CHIA: variants seen among roughly 807,000 people sequenced by gnomAD.
The protein encoded by CHIA is acidic mammalian chitinase.
In CHIA, 47 loss-of-function variants were observed where a neutral mutation model predicts 53.5. The ratio of observed to expected loss-of-function variants is 0.88; its 90% CI spans 0.70 to 1.12. The LOEUF is 1.12. Among genes scored for constraint, CHIA ranks in the 50% most tolerant of loss-of-function variants. The pLI is 0.00. For missense variants in CHIA, 652 were observed against 592.2 expected (o/e 1.10, Z -1.05); for synonymous variants, 268 against 222.2 (o/e 1.21, Z -1.83).
Position 111,318,514 on chromosome 1 carries a change from A to C in CHIA, c.751A>C (p.Lys251Gln). ...LNVDYVMNYW[K>Q]DNGAPAEKLI... ...GCAGGATTATGTCATGAACTACTGG[A>C]AGGACAATGGAGCACCAGCTGAGAA... Residue 251 changes from lysine to glutamine, a missense_variant, in exon 9 of 12, where the codon AAG becomes CAG. Physicochemically the swap from Lys to Gln is moderately conservative, Grantham distance 53. Transcript: ENST00000369740. 2 of 1,614,022 alleles carry C rather than the reference A, an allele frequency of 1.2e-6. No individual in the cohort carries two copies. Among genetic ancestry groups the C allele is most frequent in the Non-Finnish European group, 1.7e-6 (2 of 1,179,912 alleles).
At chr1:111,300,867 C>A (rs943470218) in intron 1 of CHIA, among the ~76,000 whole-genome samples, 1 of 152,146 alleles carries the variant, frequency 6.6e-6, no homozygotes, top group African/African-American at 2.4e-5. Context: ...CTACAAAGAA[C>A]TTAAACAAAT....
intron 1 of CHIA, among the ~76,000 whole-genome samples, chr1:111,298,156 C>A (rs1460910688): frequency 3.9e-5 from 6 of 152,178 alleles, no homozygotes; most frequent in African/African-American, 1.4e-4. Flanking sequence ...GAGACTTTAA[C>A]AACCCACTGC....
chr1:111,318,507 C>T lies in CHIA; in HGVS notation c.744C>T (p.Asn248=). ...TGACATTGCAGGATTATGTCATGAA[C>T]TACTGGAAGGACAATGGAGCACCAG... The part of the protein sequence containing the change: ...NAYLNVDYVM[N]YWKDNGAPAE... Residue 248 remains asparagine (N), a synonymous_variant, in exon 9 of 12, where the codon AAC becomes AAT. Transcript: ENST00000369740. 1.2e-6 allele frequency: 2 copies of T among 1,613,748 alleles called. No individual in the cohort carries two copies. Among genetic ancestry groups the T allele is most frequent in the Non-Finnish European group, 1.7e-6 (2 of 1,179,762 alleles).
intron 6 of CHIA, chr1:111,317,031 G>A (rs982749611): frequency 6.6e-6 from 1 of 152,266 alleles, no homozygotes; most frequent in Non-Finnish European, 1.5e-5. Context: ...TAAATACCTT[G>A]CCTATAATTT....
At chr1:111,295,138 T>C (rs1661262113) in intron 1 of CHIA, among the ~76,000 whole-genome samples, 1 of 152,232 alleles carries the variant, frequency 6.6e-6, no homozygotes, top group Admixed American at 6.5e-5. Context: ...GATTAACCTC[T>C]CAAGTCATCT....
At chr1:111,317,493 T>C in intron 6 of CHIA, 188 bp from the exon 7 acceptor site, 2 of 614,282 alleles carry the variant, frequency 3.3e-6, no homozygotes, top group Non-Finnish European at 2.7e-6. Flanking sequence ...GCATATTAGA[T>C]AGCCAGAAAA....
Position 111,297,901 on chromosome 1 carries a change from CAAAAAAAAAAAA to C in CHIA, c.-69+6964_-69+6975del, listed in dbSNP as rs1188512345. Among the ~76,000 whole-genome samples the C allele has an allele frequency of 7.5e-4, 24 of 31,850 alleles. No individual in the cohort carries two copies. The Admixed American group carries it at 0.01, about 14-fold the overall frequency. The allele number at this position is 31,850 out of a possible 152,430, so 20.9% of individuals were successfully genotyped here. ...GAAGATCTACCAAGCAAATGGAAAG[CAAAAAAAAAAAA>C]AAAAAAAAAAAACAAGCAGGGGTTG... is the stretch of plus-strand genomic sequence containing the variant. On this transcript the variant is annotated intron_variant, in intron 1 of 11. Coordinates refer to ENST00000369740, the MANE Select transcript of CHIA (RefSeq NM_201653.4).
At chr1:111,303,304 C>T (rs1647906170) in intron 1 of CHIA, among the ~76,000 whole-genome samples, 1 of 151,822 alleles carries the variant, frequency 6.6e-6, no homozygotes, top group African/African-American at 2.4e-5. Context: ...TATTTGTTTC[C>T]TATATGCCTT....
chr1:111,318,498 T>C lies in CHIA; in HGVS notation c.735T>C (p.Tyr245=). ...TGSNAYLNVD[Y]VMNYWKDNGA... is the part of the protein sequence containing the mutation. ...CTAACCCACTGACATTGCAGGATTA[T>C]GTCATGAACTACTGGAAGGACAATG... The change falls in exon 9 of 12, where the codon TAT becomes TAC. Residue 245 remains tyrosine, a synonymous_variant. Coordinates refer to ENST00000369740, the MANE Select transcript of CHIA (RefSeq NM_201653.4). 4 of 1,613,246 alleles carry C rather than the reference T, an allele frequency of 2.5e-6. No individual in the cohort carries two copies. Among genetic ancestry groups the C allele is most frequent in the Non-Finnish European group, 3.4e-6 (4 of 1,179,440 alleles).
intron 3 of CHIA, 85 bp from the exon 4 acceptor site, chr1:111,312,105 G>A: frequency 1.9e-6 from 2 of 1,037,728 alleles, no homozygotes; most frequent in South Asian, 1.3e-5. Context: ...GGCACAGGGA[G>A]GGAAACAGAG....
In CHIA at chr1:111,320,280, C is replaced by T. The variant is rs761599968; in HGVS notation, c.1245C>T (p.Ser415=). 8 of 1,614,152 alleles carry T rather than the reference C, an allele frequency of 5.0e-6. No individual in the cohort carries two copies. The highest frequency in any genetic ancestry group is 4.4e-5 in the South Asian group (4 of 91,086). Residue 415 remains serine (S), a synonymous_variant, in exon 12 of 12, where the codon AGC becomes AGT. Coordinates refer to ENST00000369740, the MANE Select transcript of CHIA (RefSeq NM_201653.4). ...TAAPSGSGNG[S]GSSSSGGSSG... The stretch of plus-strand genomic sequence containing the variant: ...CTCCCAGTGGCAGCGGGAACGGGAG[C>T]GGGAGTAGCAGCTCTGGAGGCAGCT...
At chr1:111,320,086 T>A in intron 11 of CHIA, 127 bp from the exon 12 acceptor site, 1 of 733,032 alleles carries the variant, frequency 1.4e-6, no homozygotes, top group East Asian at 2.5e-5. Flanking sequence ...CTCTTCTCAG[T>A]TGCAGGGATC....
intron 4 of CHIA, among the ~76,000 whole-genome samples, chr1:111,312,639 G>A (rs1648782044): frequency 6.6e-6 from 1 of 152,098 alleles, no homozygotes; most frequent in Admixed American, 6.5e-5. Context: ...AATACTTAAT[G>A]TTTTTTGTGG....
intron 1 of CHIA, among the ~76,000 whole-genome samples, chr1:111,293,146 T>C (rs533353997): frequency 2.0e-5 from 3 of 152,302 alleles, no homozygotes; most frequent in African/African-American, 7.2e-5. Flanking sequence ...ATGATTTTTT[T>C]AGGAACTTCC....
Position 111,312,296 on chromosome 1 carries a change from G to C in CHIA, c.162G>C (p.Leu54=), listed in dbSNP as rs61752527. 1.7e-3 allele frequency: 2,726 copies of C among 1,614,054 alleles called. 43 individuals carry two copies. In the African/African-American group the frequency reaches 0.031, roughly 18 times the overall value. ...DNIDPCLCTH[L]IYAFAGRQNN... is the part of the protein sequence containing the mutation. ...TCGACCCCTGCCTCTGTACCCACCT[G>C]ATCTACGCCTTTGCTGGGAGGCAGA... Residue 54 remains leucine (L), a synonymous_variant, in exon 4 of 12, where the codon CTG becomes CTC. Coordinates refer to ENST00000369740, the MANE Select transcript of CHIA (RefSeq NM_201653.4).
intron 11 of CHIA, 39 bp downstream of exon 11, chr1:111,319,507 C>G: frequency 1.2e-6 from 2 of 1,602,612 alleles, no homozygotes; most frequent in Non-Finnish European, 1.7e-6. Context: ...GTATAAATAC[C>G]CCTTCTCCAA....
intron 1 of CHIA, among the ~76,000 whole-genome samples, chr1:111,307,966 A>C (rs12125435): frequency 0.11 from 16,231 of 152,230 alleles, 1,092 homozygotes; most frequent in Non-Finnish European, 0.15. Flanking sequence ...ATGTATACCT[A>C]AACTCATGTG....
chr1:111,298,161 C>T (rs573780248), intron 1 of CHIA, among the ~76,000 whole-genome samples: 25 of 152,226 alleles, frequency 1.6e-4, no homozygotes, highest in African/African-American at 6.0e-4. Context: ...TTTAACAACC[C>T]ACTGCCAATA....
intron 1 of CHIA, among the ~76,000 whole-genome samples, chr1:111,298,210 C>A (rs939800510): frequency 6.6e-6 from 1 of 152,146 alleles, no homozygotes; most frequent in African/African-American, 2.4e-5. Context: ...ACAAGGATAT[C>A]CAGGACTTGA....
Sources: allele counts gnomAD v4.1 joint callset (sites outside exome capture counted in the v4.1 genomes callset), GRCh38; gene constraint gnomAD v4.1.1; transcripts MANE v1.5; gene names NCBI Gene and HGNC (gene_info 2026-07-23, HGNC 2026-07-21).